PCDHA6: variants seen among roughly 807,000 people sequenced by gnomAD.
The protein encoded by PCDHA6 is protocadherin alpha 6.
In PCDHA6, 55 loss-of-function variants were observed where a neutral mutation model predicts 60.3. The observed-to-expected ratio is 0.91, with a 90% CI of 0.73 to 1.14. The LOEUF is 1.14. PCDHA6 is among the 50% of genes most tolerant of loss of function. The pLI is 0.00. For missense variants in PCDHA6, 1,327 were observed against 1,256.5 expected (o/e 1.06, Z -0.85); for synonymous variants, 652 against 557.9 (o/e 1.17, Z -2.38).
Position 140,877,714 on chromosome 5 carries a change from T to G in PCDHA6, c.2394+47229T>G, listed in dbSNP as rs781999747. 3.1e-6 allele frequency: 5 copies of G among 1,613,836 alleles called. No homozygotes were observed. The highest frequency in any genetic ancestry group is 4.2e-6 in the Non-Finnish European group (5 of 1,179,978). ...GGTGTGCTCCAGCGCCGTGGGGAGTTGGTCTTACTCGCAGCAGAGGAGGCA... is the reference window on the plus strand; with the variant it reads ...GGTGTGCTCCAGCGCCGTGGGGAGTGGGTCTTACTCGCAGCAGAGGAGGCA... On this transcript the variant is annotated intron_variant, in intron 1 of 3. Coordinates refer to ENST00000529310, the MANE Select transcript of PCDHA6 (RefSeq NM_018909.4).
chr5:140,905,011 T>A (rs551000720), intron 1 of PCDHA6, among the ~76,000 whole-genome samples: 44 of 152,296 alleles, frequency 2.9e-4, no homozygotes, highest in African/African-American at 1.0e-3. Context: ...CTTTGCTAAT[T>A]CTTTTCTATG....
intron 1 of PCDHA6, among the ~76,000 whole-genome samples, chr5:140,911,895 T>C (rs1289494210): frequency 1.3e-5 from 2 of 152,184 alleles, no homozygotes; most frequent in East Asian, 3.8e-4. Flanking sequence ...AAAATCTGTA[T>C]TAGTCAGAGC....
rs1188351170 is a variant in PCDHA6, at chr5:140,929,610, T to C, written c.2395-49339T>C. 7.3e-6 allele frequency: 3 copies of C among 408,442 alleles called. No individual in the cohort carries two copies. The South Asian group carries it at 4.1e-4, about 55-fold the overall frequency. 25.3% of individuals were successfully genotyped at this position (408,442 alleles called of 1,614,324 possible). On this transcript the variant is annotated intron_variant, in intron 1 of 3. Transcript: ENST00000529310. ...TAAAGGTCTAAAATTAAAAATAAAA[T>C]ACCAAAATATTTTATAAGCAACAGA...
At chr5:140,866,158 A>G (rs560063709) in intron 1 of PCDHA6, 1 of 152,270 alleles carries the variant, frequency 6.6e-6, no homozygotes, top group East Asian at 1.9e-4. Context: ...ATAAGTAAGA[A>G]TCGTTTAACA....
At chr5:140,884,833 C>G in intron 1 of PCDHA6, 1 of 916,634 alleles carries the variant, frequency 1.1e-6, no homozygotes, top group Non-Finnish European at 1.5e-6. Context: ...GTTGGATTAT[C>G]CTTCAGAGTG....
intron 1 of PCDHA6, among the ~76,000 whole-genome samples, chr5:140,959,381 A>G (rs2095484925): frequency 6.6e-6 from 1 of 152,190 alleles, no homozygotes; most frequent in African/African-American, 2.4e-5. Flanking sequence ...CTCAAAAAAA[A>G]AAGTCACAAA....
intron 1 of PCDHA6, chr5:140,861,911 G>A (rs1428528633): frequency 1.3e-5 from 2 of 154,368 alleles, no homozygotes; most frequent in East Asian, 1.9e-4. Context: ...ATATATCACA[G>A]CGCTGGATGT....
At chr5:140,848,448 T>C (rs2150410519) in intron 1 of PCDHA6, 3 of 1,511,550 alleles carry the variant, frequency 2.0e-6, no homozygotes, top group African/African-American at 1.4e-5. Flanking sequence ...TGATTTCTTC[T>C]AATTTGGAGG....
At chr5:140,969,592 A>G (rs547411191) in intron 1 of PCDHA6, 72 of 829,536 alleles carry the variant, frequency 8.7e-5, no homozygotes, top group Middle Eastern at 3.7e-4. Context: ...TAGTCTTAAT[A>G]TTTAATGCTA....
chr5:140,865,900 C>T (rs1012769998), intron 1 of PCDHA6: 18 of 152,230 alleles, frequency 1.2e-4, no homozygotes, highest in African/African-American at 3.8e-4. Context: ...TGTGTACAGG[C>T]AAATCTTTCT....
At chr5:140,933,047 A>G (rs1482395906) in intron 1 of PCDHA6, among the ~76,000 whole-genome samples, 2 of 152,030 alleles carry the variant, frequency 1.3e-5, no homozygotes, top group Non-Finnish European at 1.5e-5. Flanking sequence ...TATGGATTAC[A>G]GTCCAGGATC....
At chr5:140,959,373 CA>C (rs1243465116) in intron 1 of PCDHA6, among the ~76,000 whole-genome samples, 26 of 145,126 alleles carry the variant, frequency 1.8e-4, no homozygotes, top group South Asian at 2.2e-4. Flanking sequence ...GACCCTGTCT[CA>C]AAAAAAAAAG....
At chr5:140,941,195 C>T (rs1337267572) in intron 1 of PCDHA6, among the ~76,000 whole-genome samples, 39 of 106,424 alleles carry the variant, frequency 3.7e-4, no homozygotes, top group Non-Finnish European at 4.9e-4. Context: ...CTTTTTTTTT[C>T]TTTCTTCCTT....
At chr5:140,871,729 G>A in intron 1 of PCDHA6, 1 of 714,516 alleles carries the variant, frequency 1.4e-6, no homozygotes, top group Non-Finnish European at 2.2e-6. Flanking sequence ...TTAATATTTG[G>A]TTAGCAAATC....
At chr5:140,836,630 A>G in intron 1 of PCDHA6, 3 of 1,613,502 alleles carry the variant, frequency 1.9e-6, no homozygotes, top group South Asian at 1.1e-5. Flanking sequence ...GGAGCTGGTC[A>G]TTCTCCCAGC....
chr5:140,936,077 G>A (rs2090754379), intron 1 of PCDHA6, among the ~76,000 whole-genome samples: 1 of 151,980 alleles, frequency 6.6e-6, no homozygotes, highest in South Asian at 2.1e-4. Flanking sequence ...ACTTTTAGTA[G>A]AGACAGGGTT....
chr5:140,857,187 C>T (rs202051639), intron 1 of PCDHA6: 3 of 1,598,516 alleles, frequency 1.9e-6, no homozygotes, highest in Admixed American at 1.7e-5. Context: ...GATTCAGGAG[C>T]CAACGGACAG....
At chr5:140,854,961 T>C (rs557755220) in intron 1 of PCDHA6, among the ~76,000 whole-genome samples, 1 of 150,064 alleles carries the variant, frequency 6.7e-6, no homozygotes, top group South Asian at 2.1e-4. Flanking sequence ...TTAATTACTT[T>C]ATTCAGAATT....
At chr5:140,856,621 A>T in intron 1 of PCDHA6, 1 of 1,597,974 alleles carries the variant, frequency 6.3e-7, no homozygotes, top group Non-Finnish European at 8.6e-7. Context: ...ACAAATTCCC[A>T]GTGCTTGTTC....
Sources: allele counts gnomAD v4.1 joint callset (sites outside exome capture counted in the v4.1 genomes callset), GRCh38; gene constraint gnomAD v4.1.1; transcripts MANE v1.5; gene names NCBI Gene and HGNC (gene_info 2026-07-23, HGNC 2026-07-21).